VWA3B: variants seen among roughly 807,000 people sequenced by gnomAD.
The protein encoded by VWA3B is von Willebrand factor A domain containing 3B, also known as von Willebrand factor A domain-containing protein 3B.
Under a neutral mutation model 158.3 loss-of-function variants are expected in VWA3B, and 138 were observed. That is an observed-to-expected ratio of 0.87 (90% CI 0.76 to 1.00). VWA3B has a LOEUF of 1.00. VWA3B is among the 50% of genes least tolerant of loss of function. VWA3B has a pLI of 0.00. For synonymous variants in VWA3B, 596 were observed against 587.3 expected, an observed-to-expected ratio of 1.01 and a Z score of -0.21; for missense variants, 1,555 against 1,565.1, an observed-to-expected ratio of 0.99 and a Z score of 0.11.
the VWA3B span, among the ~76,000 whole-genome samples, chr2:98,326,919 C>T: frequency 1.3e-5 from 2 of 151,748 alleles, no homozygotes; most frequent in African/African-American, 4.8e-5. Context: ...GAGAAGAAGG[C>T]TGCCAACACC....
At chr2:98,124,623 T>C (rs1675216218) in intron 5 of VWA3B, among the ~76,000 whole-genome samples, 1 of 152,240 alleles carries the variant, frequency 6.6e-6, no homozygotes, top group Admixed American at 6.5e-5. Context: ...GTTGCAGTGT[T>C]CAAAGGTGTA....
intron 21 of VWA3B, among the ~76,000 whole-genome samples, chr2:98,263,159 A>G (rs1279430569): frequency 6.6e-6 from 1 of 151,892 alleles, no homozygotes; most frequent in Non-Finnish European, 1.5e-5. Flanking sequence ...TAGTTCTAAC[A>G]GTATTTGTGG....
intron 7 of VWA3B, among the ~76,000 whole-genome samples, chr2:98,161,743 G>C (rs969158297): frequency 6.6e-6 from 1 of 152,066 alleles, no homozygotes; most frequent in Non-Finnish European, 1.5e-5. Context: ...GTCTCACTCT[G>C]TCTCCTGAGC....
chr2:98,275,457 G>A (rs550731428), intron 22 of VWA3B, among the ~76,000 whole-genome samples: 5 of 150,516 alleles, frequency 3.3e-5, no homozygotes, highest in East Asian at 3.9e-4. Flanking sequence ...GGCGGATGAG[G>A]CCCGGGGTAG....
rs554059975 is a variant in VWA3B at position 98,188,077 on chromosome 2, T to C, written c.1414T>C (p.Cys472Arg). The change falls in exon 10 of 28, where the codon TGC (cysteine) becomes CGC (arginine). Residue 472 changes from cysteine to arginine, a missense_variant. Coordinates refer to ENST00000477737, the MANE Select transcript of VWA3B (RefSeq NM_144992.5). ...LVHVNITKEK[C>R]KWYSERIHTA... ...CCACGTCAACATTACCAAAGAGAAG[T>C]GCAAGTGGTACAGTGAGAGAATCCA... 3 of 1,613,954 alleles carry C rather than the reference T, an allele frequency of 1.9e-6. No individual in the cohort carries two copies. The South Asian group carries it at 3.3e-5, about 18-fold the overall frequency.
At position 98,234,750 on chromosome 2, in the gene VWA3B, C is replaced by T. The variant is rs1685565855; in HGVS notation, c.2411C>T (p.Thr804Ile). Residue 804 changes from threonine (T) to isoleucine (I), a missense_variant, in exon 17 of 28, where the codon ACT becomes ATT. By Grantham distance (89) the Thr-to-Ile change is moderately conservative. Coordinates refer to ENST00000477737, the MANE Select transcript of VWA3B (RefSeq NM_144992.5). ...DGLSNASSRRTALSDKEMSIL... is the reference protein window; with the variant it reads ...DGLSNASSRRIALSDKEMSIL... ...CTCTCCAATGCCAGCAGCCGGAGGACTGCTCTAAGTGACAAAGGCAAGCCA... is the reference window on the plus strand; with the variant it reads ...CTCTCCAATGCCAGCAGCCGGAGGATTGCTCTAAGTGACAAAGGCAAGCCA... The T allele has an allele frequency of 6.2e-7, 1 of 1,614,090 alleles. No individual in the cohort carries two copies. Among genetic ancestry groups the T allele is most frequent in the Admixed American group, 1.7e-5 (1 of 59,998 alleles).
chr2:98,221,970 C>T (rs952745206), intron 14 of VWA3B, among the ~76,000 whole-genome samples: 5 of 152,164 alleles, frequency 3.3e-5, no homozygotes, highest in East Asian at 1.9e-4. Flanking sequence ...GGAAAGGCCA[C>T]GCTCTGCTTT....
At chr2:98,116,963 C>G (rs1231234286) in intron 3 of VWA3B, among the ~76,000 whole-genome samples, 1 of 152,184 alleles carries the variant, frequency 6.6e-6, no homozygotes, top group East Asian at 1.9e-4. Context: ...TTGTTCAATT[C>G]CAAAAGTTCA....
chr2:98,133,950 T>C lies in VWA3B; in HGVS notation c.988+11T>C. On this transcript the variant is annotated intron_variant, in intron 7 of 27. Coordinates refer to ENST00000477737, the MANE Select transcript of VWA3B (RefSeq NM_144992.5). ...GAAAACTCCCTCCAGGTACCTGGAA[T>C]CCAAAAGAAGTGGTGTAGCTTATGT... 6.2e-7 allele frequency: 1 copy of C among 1,606,984 alleles called. No homozygotes were observed. Among genetic ancestry groups the C allele is most frequent in the Admixed American group, 1.7e-5 (1 of 60,030 alleles).
intron 12 of VWA3B, chr2:98,206,925 T>C (rs1391652094): frequency 6.6e-6 from 3 of 451,406 alleles, no homozygotes; most frequent in African/African-American, 2.0e-5. Context: ...ACTTAAAAAA[T>C]GTTACCTCCA....
At position 98,181,018 on chromosome 2, in the gene VWA3B, T is replaced by C. The variant is rs751715667; in HGVS notation, c.1117T>C (p.Ser373Pro). The C allele has an allele frequency of 6.2e-7, 1 of 1,613,774 alleles. No homozygotes were observed. Among genetic ancestry groups the C allele is most frequent in the Non-Finnish European group, 8.5e-7 (1 of 1,179,808 alleles). The change falls in exon 9 of 28, where the codon TCA becomes CCA. Residue 373 changes from serine (S) to proline (P), a missense_variant and splice_region_variant. Transcript: ENST00000477737. ...KPDVATVDCESETTSVEIASN... is the reference protein window; with the variant it reads ...KPDVATVDCEPETTSVEIASN... ...GCTGACAAGCTGTGATTCTACAGAG[T>C]CAGAAACAACCTCTGTTGAGATTGC... is the stretch of plus-strand genomic sequence containing the variant.
intron 23 of VWA3B, among the ~76,000 whole-genome samples, chr2:98,297,063 G>A (rs1186695304): frequency 6.6e-6 from 1 of 151,188 alleles, no homozygotes; most frequent in East Asian, 1.9e-4. Context: ...AACAAAAAAA[G>A]AAACTTCTTA....
chr2:98,093,244 C>T lies in VWA3B; in HGVS notation c.152C>T (p.Thr51Ile), dbSNP rs1226912368. ...QLHGLKSNKLTLKQILSQIGF... is the reference protein window; with the variant it reads ...QLHGLKSNKLILKQILSQIGF... ...CATGGGCTTAAGAGCAACAAATTGA[C>T]CTTGAAACAGATTTTGTCACAGATC... Residue 51 changes from threonine to isoleucine, a missense_variant, in exon 2 of 28, where the codon ACC (threonine) becomes ATC (isoleucine). Thr to Ile is a moderately conservative substitution (Grantham distance 89). Transcript: ENST00000477737. 2 of 1,614,054 alleles carry T rather than the reference C, an allele frequency of 1.2e-6. No individual in the cohort carries two copies. The highest frequency in any genetic ancestry group is 1.7e-6 in the Non-Finnish European group (2 of 1,179,970).
intron 5 of VWA3B, among the ~76,000 whole-genome samples, chr2:98,126,585 C>T (rs941292654): frequency 4.6e-5 from 7 of 152,340 alleles, no homozygotes; most frequent in South Asian, 2.1e-4. Context: ...TGAAACAGAA[C>T]GCATCTGCTG....
chr2:98,258,778 A>G (rs1193896507), intron 21 of VWA3B, among the ~76,000 whole-genome samples: 1 of 151,876 alleles, frequency 6.6e-6, no homozygotes, highest in African/African-American at 2.4e-5. Flanking sequence ...ATCTGCAAGT[A>G]GAAATAATTT....
chr2:98,154,648 C>G (rs1282211805), intron 7 of VWA3B, among the ~76,000 whole-genome samples: 1 of 152,182 alleles, frequency 6.6e-6, no homozygotes, highest in Non-Finnish European at 1.5e-5. Flanking sequence ...TTGGGTCAGC[C>G]AGTGCAATCA....
chr2:98,257,152 T>G (rs1436667448), intron 21 of VWA3B, among the ~76,000 whole-genome samples: 1 of 151,828 alleles, frequency 6.6e-6, no homozygotes, highest in East Asian at 1.9e-4. Context: ...ATTTTCTGCC[T>G]CCATAAGATC....
In VWA3B at chr2:98,093,048, A is replaced by T; in HGVS notation, c.-32-13A>T. The T allele has an allele frequency of 6.3e-7, 1 of 1,580,420 alleles. No homozygotes were observed. Among genetic ancestry groups the T allele is most frequent in the Non-Finnish European group, 8.6e-7 (1 of 1,158,050 alleles). ...AGTTTTTAGGAAGTCTGAGTTTATG[A>T]TTGCCCTTACAGGAGTTTGCTGTGA... is the stretch of plus-strand genomic sequence containing the variant. On this transcript the variant is annotated splice_polypyrimidine_tract_variant and intron_variant, in intron 1 of 27. Coordinates refer to ENST00000477737, the MANE Select transcript of VWA3B (RefSeq NM_144992.5).
intron 12 of VWA3B, among the ~76,000 whole-genome samples, chr2:98,197,902 G>T (rs1223226679): frequency 6.6e-6 from 1 of 151,954 alleles, no homozygotes; most frequent in Non-Finnish European, 1.5e-5. Context: ...TAGAAACCAA[G>T]ATCTGGACAC....
Sources: gnomAD v4.1 joint callset for allele counts (sites outside exome capture counted in the v4.1 genomes callset) on GRCh38, gnomAD v4.1.1 for gene constraint, MANE v1.5 for transcripts, NCBI Gene and HGNC (gene_info 2026-07-23, HGNC 2026-07-21) for gene names.